The following SLC38A11 variants were observed in gnomAD, a reference collection of about 807,000 sequenced individuals.
SLC38A11 encodes the protein putative sodium-coupled neutral amino acid transporter 11.
A neutral mutation model predicts 49.4 loss-of-function variants in SLC38A11; 51 were observed. The observed-to-expected ratio is 1.03, with a 90% CI of 0.83 to 1.30. The LOEUF (loss-of-function observed/expected upper bound fraction) is 1.30. Ranked by LOEUF, SLC38A11 falls within the 50% of genes most tolerant of loss-of-function variation. The probability of loss-of-function intolerance (pLI) is 0.00; values close to 1 mark genes in which losing one functional copy is unlikely to be tolerated. For synonymous variants in SLC38A11, 203 were observed against 192.9 expected (o/e 1.05, Z -0.43); for missense variants, 574 against 556.2 (o/e 1.03, Z -0.32).
At position 164,940,716 on chromosome 2, in the gene SLC38A11, T is replaced by C. The variant is rs376697192; in HGVS notation, c.431-1160A>G. ...ATATGATTATTAGATTATTAGTATT[T>C]TCTATATATGTAGTGTATATATATG... On this transcript the variant is annotated intron_variant, in intron 5 of 11. Coordinates refer to ENST00000685975, the MANE Select transcript of SLC38A11 (RefSeq NM_001351537.2). Among the ~76,000 whole-genome samples the C allele has an allele frequency of 4.0e-5, 6 of 150,436 alleles. No homozygotes were observed. In the East Asian group the frequency reaches 5.8e-4, roughly 15 times the overall value.
intron 7 of SLC38A11, among the ~76,000 whole-genome samples, chr2:164,930,469 C>T (rs1686923145): frequency 1.3e-5 from 2 of 151,938 alleles, no homozygotes; most frequent in Non-Finnish European, 2.9e-5. Flanking sequence ...AAACTTCAGG[C>T]CAATATCTTT....
chr2:164,941,674 G>T (rs1394202408), intron 5 of SLC38A11, among the ~76,000 whole-genome samples: 1 of 151,806 alleles, frequency 6.6e-6, no homozygotes, highest in African/African-American at 2.4e-5. Flanking sequence ...TACATTCTTT[G>T]TATAATTAAA....
chr2:164,948,888 C>CTTT (rs67268569), intron 3 of SLC38A11, among the ~76,000 whole-genome samples: 8,950 of 135,992 alleles, frequency 0.066, 327 homozygotes, highest in African/African-American at 0.078. Context: ...TGCTAACTCA[C>CTTT]TTTTTTTTTT....
chr2:164,953,466 G>A (rs751460), intron 2 of SLC38A11, among the ~76,000 whole-genome samples: 66,766 of 151,946 alleles, frequency 0.44, 15,102 homozygotes, highest in South Asian at 0.68. Flanking sequence ...GTACTGTTTA[G>A]CATTGCTGAC....
At position 164,908,916 on chromosome 2, in the gene SLC38A11, A is replaced by G. The variant is rs1479864070; in HGVS notation, c.964-145T>C. The G allele has an allele frequency of 1.6e-5, 15 of 917,406 alleles. No homozygotes were observed. The South Asian group carries it at 1.8e-4, about 11-fold the overall frequency. 56.8% of individuals were successfully genotyped at this position (917,406 alleles called of 1,614,324 possible). Reference sequence around the variant, plus strand: ...AATCTTAAGTCACTAGGAATGTTCTATATTTTCCAAATTACTTACATACAG... The same window carrying G: ...AATCTTAAGTCACTAGGAATGTTCTGTATTTTCCAAATTACTTACATACAG... On this transcript the variant is annotated intron_variant, in intron 10 of 11. Coordinates refer to ENST00000685975, the MANE Select transcript of SLC38A11 (RefSeq NM_001351537.2).
chr2:164,897,568 T>G lies in SLC38A11; in HGVS notation c.*869A>C, dbSNP rs1684398416. On this transcript the variant is annotated 3_prime_UTR_variant, in exon 12 of 12. Transcript: ENST00000685975. ...GTCAACAAGAGCTCCCAGAAATCTC[T>G]CTGAGGAACCCCCAGTGGACTGAGA... 6.6e-6 allele frequency: 1 copy of G among 152,194 alleles called. No homozygotes were observed. The highest frequency in any genetic ancestry group is 6.6e-5 in the Admixed American group (1 of 15,244). 9.4% of individuals were successfully genotyped at this position (152,194 alleles called of 1,614,324 possible). A position where few individuals can be genotyped will look rare whatever the true frequency, so the allele number is the denominator to read the frequency against.
At chr2:164,906,634 G>A (rs905691861) in intron 11 of SLC38A11, among the ~76,000 whole-genome samples, 38 of 152,272 alleles carry the variant, frequency 2.5e-4, no homozygotes, top group African/African-American at 8.4e-4. Flanking sequence ...AATCAAGATT[G>A]GTATGCGAAA....
intron 9 of SLC38A11, among the ~76,000 whole-genome samples, chr2:164,912,614 C>T (rs568323254): frequency 2.6e-5 from 4 of 152,032 alleles, no homozygotes; most frequent in Non-Finnish European, 4.4e-5. Flanking sequence ...GGGGCCACAG[C>T]GAGAAATTCC....
chr2:164,930,444 AC>A (rs1234131312), intron 7 of SLC38A11, among the ~76,000 whole-genome samples: 1 of 151,892 alleles, frequency 6.6e-6, no homozygotes, highest in Non-Finnish European at 1.5e-5. Flanking sequence ...CAGAGAAACA[AC>A]ATCAACAAAA....
chr2:164,917,976 A>G (rs1284852123), intron 7 of SLC38A11, among the ~76,000 whole-genome samples: 2 of 152,150 alleles, frequency 1.3e-5, no homozygotes, highest in Non-Finnish European at 2.9e-5. Flanking sequence ...AGGAAAATGC[A>G]TATGTCTAAA....
chr2:164,900,942 C>T (rs1439834087), intron 11 of SLC38A11, among the ~76,000 whole-genome samples: 5 of 152,016 alleles, frequency 3.3e-5, no homozygotes, highest in East Asian at 3.8e-4. Flanking sequence ...TTGGGCCTTA[C>T]ATTTAGGTAT....
intron 3 of SLC38A11, among the ~76,000 whole-genome samples, chr2:164,951,742 C>G (rs1426035481): frequency 6.6e-6 from 1 of 151,988 alleles, no homozygotes. Context: ...ATGAAATGCT[C>G]CAGAAGAAGG....
intron 7 of SLC38A11, among the ~76,000 whole-genome samples, chr2:164,920,202 G>A (rs1333154072): frequency 2.0e-5 from 3 of 151,452 alleles, no homozygotes; most frequent in African/African-American, 7.3e-5. Context: ...TGAACCTGGG[G>A]GGTGGAGGTT....
Position 164,907,067 on chromosome 2 carries a change from TAGA to T in SLC38A11, c.1095+1570_1095+1572del, listed in dbSNP as rs144685256. Among the ~76,000 whole-genome samples, 577 of 152,290 alleles carry T rather than the reference TAGA, an allele frequency of 3.8e-3. 3 individuals carry two copies. The highest frequency in any genetic ancestry group is 0.013 in the African/African-American group (532 of 41,578). The stretch of plus-strand genomic sequence containing the variant: ...CTGATGAGAAATTCTGTAAGGATTG[TAGA>T]AGATTAGCCACTTTGTAGTGGTAGA... On this transcript the variant is annotated intron_variant, in intron 11 of 11. Coordinates refer to ENST00000685975, the MANE Select transcript of SLC38A11 (RefSeq NM_001351537.2).
intron 3 of SLC38A11, among the ~76,000 whole-genome samples, chr2:164,950,732 C>T (rs1420609458): frequency 6.6e-6 from 1 of 151,768 alleles, no homozygotes. Context: ...TTTTTGTTCC[C>T]CAACATTTCA....
At chr2:164,946,753 C>G (rs1688138716) in intron 3 of SLC38A11, among the ~76,000 whole-genome samples, 1 of 152,044 alleles carries the variant, frequency 6.6e-6, no homozygotes, top group African/African-American at 2.4e-5. Flanking sequence ...GATACTTGTT[C>G]TCTTTTTTCT....
chr2:164,955,406 G>A lies in SLC38A11; in HGVS notation c.-159C>T, dbSNP rs910526829. 2 of 648,038 alleles carry A rather than the reference G, an allele frequency of 3.1e-6. No individual in the cohort carries two copies. The highest frequency in any genetic ancestry group is 1.9e-5 in the South Asian group (1 of 52,902). 40.1% of individuals were successfully genotyped at this position (648,038 alleles called of 1,614,324 possible). ...CGGGCGCCCCCTGCTCCCTCGGCAGGCCGCGAGGGCTGCAGCCCCAAGATC... is the reference window on the plus strand; with the variant it reads ...CGGGCGCCCCCTGCTCCCTCGGCAGACCGCGAGGGCTGCAGCCCCAAGATC... On this transcript the variant is annotated 5_prime_UTR_variant, in exon 1 of 12. Transcript: ENST00000685975.
intron 6 of SLC38A11, among the ~76,000 whole-genome samples, chr2:164,938,141 A>C (rs1261317673): frequency 2.6e-5 from 4 of 152,176 alleles, no homozygotes; most frequent in African/African-American, 9.7e-5. Context: ...TCTGATAAGA[A>C]AAAATAAATA....
At chr2:164,953,016 G>A (rs1387299458) in intron 2 of SLC38A11, 10 of 425,976 alleles carry the variant, frequency 2.3e-5, no homozygotes, top group African/African-American at 6.3e-5. Context: ...CTGAGGTGAC[G>A]GAATAAGAAT....
Sources: allele counts gnomAD v4.1 joint callset (sites outside exome capture counted in the v4.1 genomes callset), GRCh38; gene constraint gnomAD v4.1.1; transcripts MANE v1.5; gene names NCBI Gene and HGNC (gene_info 2026-07-23, HGNC 2026-07-21).